The following SRGAP3 variants were observed in gnomAD, a reference collection of about 807,000 sequenced individuals.
The protein encoded by SRGAP3 is SLIT-ROBO Rho GTPase-activating protein 3.
SRGAP3 carries 39 observed loss-of-function variants against 121.1 expected under a neutral mutation model. That is an observed-to-expected ratio of 0.32 (90% confidence interval 0.25 to 0.42). The LOEUF is 0.42. Ranked by LOEUF, SRGAP3 falls within the 10% of genes least tolerant of loss-of-function variation. SRGAP3 has a pLI of 1.00. For synonymous variants in SRGAP3, 601 were observed against 570.0 expected (o/e 1.05, Z -0.77); for missense variants, 1,213 against 1,470.6 (o/e 0.82, Z 2.86).
chr3:9,212,730 A>C (rs766401716), intron 1 of SRGAP3, among the ~76,000 whole-genome samples: 18 of 152,190 alleles, frequency 1.2e-4, no homozygotes, highest in Admixed American at 2.6e-4. Flanking sequence ...AGAAAGAAAG[A>C]AAGCTGGAAT....
intron 3 of SRGAP3, among the ~76,000 whole-genome samples, chr3:9,095,153 A>G (rs778256952): frequency 5.3e-5 from 8 of 151,846 alleles, no homozygotes; most frequent in Non-Finnish European, 1.2e-4. Flanking sequence ...TTTTCTTATT[A>G]ATTTGTAAGA....
chr3:9,275,978 T>A (rs187359882), intron 3 of SRGAP3, among the ~76,000 whole-genome samples: 1 of 151,926 alleles, frequency 6.6e-6, no homozygotes, highest in Admixed American at 6.6e-5. Flanking sequence ...GGCAGGGGGA[T>A]CACCTGGAGC....
chr3:9,285,449 C>T (rs1954751969), intron 3 of SRGAP3, among the ~76,000 whole-genome samples: 1 of 152,042 alleles, frequency 6.6e-6, no homozygotes, highest in Non-Finnish European at 1.5e-5. Flanking sequence ...TGTGAGGAGA[C>T]TCATATTTGA....
chr3:8,994,291 G>T lies in SRGAP3; in HGVS notation c.2408+52C>A, dbSNP rs563464061. On this transcript the variant is annotated intron_variant, in intron 19 of 21. Coordinates refer to ENST00000383836, the MANE Select transcript of SRGAP3 (RefSeq NM_014850.4). ...GCACTCCCCTACGGTGCCCATCCCA[G>T]ACATCACTAATCTATTTCGGCATTC... is the stretch of plus-strand genomic sequence containing the variant. The T allele has an allele frequency of 6.2e-6, 10 of 1,609,368 alleles. No homozygotes were observed. In the South Asian group the frequency reaches 8.8e-5, roughly 14 times the overall value.
At chr3:9,308,355 A>G (rs1246398580) in intron 3 of SRGAP3, among the ~76,000 whole-genome samples, 1 of 152,228 alleles carries the variant, frequency 6.6e-6, no homozygotes, top group Non-Finnish European at 1.5e-5. Context: ...AAAGCCAAGA[A>G]AAACAGTGTG....
chr3:9,340,121 C>T (rs369287532), intron 1 of SRGAP3, among the ~76,000 whole-genome samples: 9 of 152,284 alleles, frequency 5.9e-5, no homozygotes, highest in South Asian at 2.1e-4. Context: ...ACCACAGGGA[C>T]GATCACAAAT....
Position 8,985,858 on chromosome 3 carries a change from C to G in SRGAP3, c.2961G>C (p.Ala987=), listed in dbSNP as rs199848187. The change falls in exon 22 of 22, where the codon GCG becomes GCC. Residue 987 remains alanine, a synonymous_variant. Coordinates refer to ENST00000383836, the MANE Select transcript of SRGAP3 (RefSeq NM_014850.4). The surrounding 1 kb of genome is among the most constrained non-coding windows in gnomAD (Gnocchi z 5.1). ...CCAGGGTGTCCAGCACCACATCTGGCGCCTGCTTGACCGTGTTCTGCCTCT... is the reference window on the plus strand; with the variant it reads ...CCAGGGTGTCCAGCACCACATCTGGGGCCTGCTTGACCGTGTTCTGCCTCT... The part of the protein sequence containing the change: ...ELERQNTVKQ[A]PDVVLDTLEP... 6.8e-5 allele frequency: 109 copies of G among 1,600,066 alleles called. No homozygotes were observed. The highest frequency in any genetic ancestry group is 8.6e-5 in the Non-Finnish European group (101 of 1,179,914).
rs537488077 is a variant in SRGAP3 at position 9,357,991 on chromosome 3, C to T, written n.214+4849G>A. Among the ~76,000 whole-genome samples the T allele has an allele frequency of 4.6e-5, 7 of 152,236 alleles. No homozygotes were observed. The East Asian group carries it at 1.4e-3, about 29-fold the overall frequency. On this transcript the variant is annotated intron_variant and non_coding_transcript_variant, in intron 1 of 3. Transcript: ENST00000490889. ...CCAGGTTCAAATGATTCTCCTGCCT[C>T]AGCCACTCGAGTAGCTGGGATTAGA...
chr3:9,255,500 C>G (rs1304438287), intron 3 of SRGAP3, among the ~76,000 whole-genome samples: 2 of 152,236 alleles, frequency 1.3e-5, no homozygotes, highest in African/African-American at 4.8e-5. Context: ...AAGGCAAAGT[C>G]TCTCCCAGGA....
chr3:9,300,336 A>C (rs988592980), intron 3 of SRGAP3, among the ~76,000 whole-genome samples: 5 of 150,838 alleles, frequency 3.3e-5, no homozygotes, highest in Non-Finnish European at 5.9e-5. Flanking sequence ...TTACCTTTGT[A>C]CATTCCATTT....
intron 3 of SRGAP3, among the ~76,000 whole-genome samples, chr3:9,259,511 AT>A (rs1165862416): frequency 6.6e-6 from 1 of 152,064 alleles, no homozygotes; most frequent in African/African-American, 2.4e-5. Context: ...GTCTCACTGT[AT>A]TGCTGAGGCT....
intron 3 of SRGAP3, among the ~76,000 whole-genome samples, chr3:9,283,205 G>T (rs1020918465): frequency 2.0e-5 from 3 of 152,130 alleles, no homozygotes. Context: ...GCCTCCCAAA[G>T]TGCTGGGATT....
intron 1 of SRGAP3, among the ~76,000 whole-genome samples, chr3:9,354,346 G>A (rs13068999): frequency 0.18 from 26,824 of 152,090 alleles, 3,189 homozygotes; most frequent in African/African-American, 0.33. Context: ...GAGTGGCTGT[G>A]CTATCTGACT....
chr3:9,066,779 G>T (rs1946453922), intron 4 of SRGAP3, among the ~76,000 whole-genome samples: 1 of 152,200 alleles, frequency 6.6e-6, no homozygotes, highest in South Asian at 2.1e-4. Context: ...GATTACAGGC[G>T]TGAGCCACCA....
chr3:9,222,907 G>T (rs1952860347), intron 1 of SRGAP3, among the ~76,000 whole-genome samples: 1 of 152,186 alleles, frequency 6.6e-6, no homozygotes, highest in African/African-American at 2.4e-5. Flanking sequence ...TCAACAGCTT[G>T]GGTGATATCT....
At chr3:8,998,432 C>T (rs1440607414) in intron 18 of SRGAP3, among the ~76,000 whole-genome samples, 1 of 152,224 alleles carries the variant, frequency 6.6e-6, no homozygotes, top group African/African-American at 2.4e-5. Context: ...TGCCAAATCA[C>T]TTTCTAACAC....
rs73810777 is a variant in SRGAP3, at chr3:8,983,563, G to A, written c.*1956C>T. On this transcript the variant is annotated 3_prime_UTR_variant, in exon 22 of 22. Coordinates refer to ENST00000383836, the MANE Select transcript of SRGAP3 (RefSeq NM_014850.4). ...AGGGCACCACTTCATCCAATGGGCT[G>A]AAATGTTAATGATGGAATCCAGGGC... 1,436 of 231,128 alleles carry A rather than the reference G, an allele frequency of 6.2e-3. 16 individuals carry two copies. Among genetic ancestry groups the A allele is most frequent in the African/African-American group, 0.026 (1,187 of 45,308 alleles). 14.3% of individuals were successfully genotyped at this position (231,128 alleles called of 1,614,324 possible).
At chr3:9,341,441 C>T (rs538409616) in intron 1 of SRGAP3, among the ~76,000 whole-genome samples, 1 of 152,294 alleles carries the variant, frequency 6.6e-6, no homozygotes, top group East Asian at 1.9e-4. Flanking sequence ...AGGAGCCTCC[C>T]CTGAAATAAA....
At chr3:9,141,781 T>A (rs1210957261) in intron 1 of SRGAP3, among the ~76,000 whole-genome samples, 2 of 152,178 alleles carry the variant, frequency 1.3e-5, no homozygotes, top group Non-Finnish European at 2.9e-5. Context: ...TCACTATCAA[T>A]TCCTGTTGTC....
Sources: gnomAD v4.1 joint callset for allele counts (sites outside exome capture counted in the v4.1 genomes callset) on GRCh38, gnomAD v4.1.1 for gene constraint, Gnocchi (gnomAD v3.1) non-coding constraint, MANE v1.5 for transcripts, NCBI Gene and HGNC (gene_info 2026-07-23, HGNC 2026-07-21) for gene names.